Variants in ENTREP2 observed in about 807,000 individuals in gnomAD.
The protein encoded by ENTREP2 is endosomal transmembrane epsin interactor 2.
chr15:29,294,862 C>A, the ENTREP2 span, among the ~76,000 whole-genome samples: 1 of 152,290 alleles, frequency 6.6e-6, no homozygotes, highest in Non-Finnish European at 1.5e-5. Context: ...GTCTGAGGAA[C>A]AATTTGGCAT....
chr15:29,168,038 T>G, the ENTREP2 span, among the ~76,000 whole-genome samples: 1 of 152,214 alleles, frequency 6.6e-6, no homozygotes, highest in African/African-American at 2.4e-5. Flanking sequence ...TGGATAAGAT[T>G]GGAGACTCTT....
chr15:29,533,100 G>A, the ENTREP2 span, among the ~76,000 whole-genome samples: 1 of 152,072 alleles, frequency 6.6e-6, no homozygotes, highest in South Asian at 2.1e-4. Context: ...TTTCCCACAG[G>A]ATAGGCTTCG....
At chr15:29,444,928 C>A in the ENTREP2 span, among the ~76,000 whole-genome samples, 2 of 152,162 alleles carry the variant, frequency 1.3e-5, no homozygotes, top group African/African-American at 4.8e-5. Flanking sequence ...GTGCAGGTAC[C>A]AATAAGGTTT....
At chr15:29,343,761 T>C in the ENTREP2 span, among the ~76,000 whole-genome samples, 2 of 152,156 alleles carry the variant, frequency 1.3e-5, no homozygotes, top group Non-Finnish European at 2.9e-5. Context: ...GGCCTTGTTA[T>C]AGTTAGAAAC....
chr15:29,280,187 G>T, the ENTREP2 span, among the ~76,000 whole-genome samples: 1 of 152,082 alleles, frequency 6.6e-6, no homozygotes, highest in African/African-American at 2.4e-5. Flanking sequence ...ATCTCTACTC[G>T]CATTCTCTGA....
At chr15:29,563,664 C>T in the ENTREP2 span, among the ~76,000 whole-genome samples, 1 of 152,048 alleles carries the variant, frequency 6.6e-6, no homozygotes, top group East Asian at 1.9e-4. Context: ...AACCACGTCT[C>T]TACTAAAAAT....
At chr15:29,155,308 A>C in the ENTREP2 span, among the ~76,000 whole-genome samples, 24 of 151,596 alleles carry the variant, frequency 1.6e-4, no homozygotes, top group East Asian at 3.9e-4. Context: ...AAAAAAGAAG[A>C]AGCGTTAGGC....
the ENTREP2 span, among the ~76,000 whole-genome samples, chr15:29,394,724 G>T: frequency 6.6e-6 from 1 of 151,750 alleles, no homozygotes; most frequent in Non-Finnish European, 1.5e-5. Context: ...AATTTACACC[G>T]ATTCCCCATT....
the ENTREP2 span, among the ~76,000 whole-genome samples, chr15:29,478,089 A>C: frequency 8.2e-6 from 1 of 122,314 alleles, no homozygotes; most frequent in African/African-American, 3.2e-5. Context: ...CAGTGGCGTG[A>C]TCTCAGCTCA....
the ENTREP2 span, among the ~76,000 whole-genome samples, chr15:29,296,412 A>G: frequency 6.6e-6 from 1 of 152,204 alleles, no homozygotes; most frequent in East Asian, 1.9e-4. Flanking sequence ...TATAGAAGGC[A>G]GAATTAGACC....
At chr15:29,197,742 G>A in the ENTREP2 span, among the ~76,000 whole-genome samples, 1 of 149,850 alleles carries the variant, frequency 6.7e-6, no homozygotes, top group Admixed American at 6.7e-5. Context: ...CTCCAGCCTG[G>A]ATGACAGAGC....
the ENTREP2 span, chr15:29,613,581 T>C: frequency 5.0e-6 from 1 of 201,556 alleles, no homozygotes; most frequent in South Asian, 8.0e-5. Flanking sequence ...CAGTGCCCCC[T>C]CCCCATCCAT....
At chr15:29,591,697 G>A in the ENTREP2 span, among the ~76,000 whole-genome samples, 32 of 152,104 alleles carry the variant, frequency 2.1e-4, no homozygotes, top group African/African-American at 7.5e-4. Context: ...ATACAGCCAG[G>A]CATGGTGGTG....
the ENTREP2 span, among the ~76,000 whole-genome samples, chr15:29,450,985 A>G: frequency 7.3e-6 from 1 of 137,238 alleles, no homozygotes; most frequent in Non-Finnish European, 1.6e-5. Context: ...GAGATTCAGG[A>G]AAAAAAAAAA....
At chr15:29,542,977 G>C in the ENTREP2 span, among the ~76,000 whole-genome samples, 1 of 152,164 alleles carries the variant, frequency 6.6e-6, no homozygotes, top group South Asian at 2.1e-4. Context: ...TTCATCCAAG[G>C]ATGGGTTCCT....
chr15:29,338,074 T>C, the ENTREP2 span, among the ~76,000 whole-genome samples: 1 of 152,260 alleles, frequency 6.6e-6, no homozygotes, highest in African/African-American at 2.4e-5. Context: ...ATCATACATG[T>C]ACGTATATCA....
the ENTREP2 span, among the ~76,000 whole-genome samples, chr15:29,160,708 CAA>C: frequency 6.3e-3 from 228 of 36,212 alleles, no homozygotes; most frequent in African/African-American, 0.014. Flanking sequence ...GACTCTGTCT[CAA>C]AAAAAAAAAA....
chr15:29,138,148 C>A, the ENTREP2 span, among the ~76,000 whole-genome samples: 6 of 152,182 alleles, frequency 3.9e-5, no homozygotes, highest in African/African-American at 7.2e-5. Flanking sequence ...GGATTTCACA[C>A]AGTTTGTAAA....
chr15:29,366,566 T>C, the ENTREP2 span, among the ~76,000 whole-genome samples: 1 of 152,154 alleles, frequency 6.6e-6, no homozygotes. Context: ...AGAGTTTCCC[T>C]TGTGCTTCCC....
Sources: allele counts gnomAD v4.1 joint callset (sites outside exome capture counted in the v4.1 genomes callset), GRCh38; gene constraint gnomAD v4.1.1; transcripts MANE v1.5; gene names NCBI Gene and HGNC (gene_info 2026-07-23, HGNC 2026-07-21).